Variants in LRP1B observed in about 807,000 individuals in gnomAD.
LRP1B encodes the protein low-density lipoprotein receptor-related protein 1B.
In LRP1B, 217 loss-of-function variants were observed where a neutral mutation model predicts 556.6. The ratio of observed to expected loss-of-function variants is 0.39; its 90% CI spans 0.35 to 0.44. LRP1B has a LOEUF of 0.44. Among genes scored for constraint, LRP1B ranks in the 20% least tolerant of loss-of-function variants. The pLI, the probability that LRP1B is intolerant of heterozygous loss-of-function variation, is 1.00. For missense variants in LRP1B, 5,053 were observed against 5,620.8 expected (o/e 0.90, Z 3.23); for synonymous variants, 2,047 against 1,865.8 (o/e 1.10, Z -2.50).
chr2:140,700,425 T>C lies in LRP1B; in HGVS notation c.6624A>G (p.Leu2208=). 6.2e-7 allele frequency: 1 copy of C among 1,613,362 alleles called. No homozygotes were observed. The highest frequency in any genetic ancestry group is 8.5e-7 in the Non-Finnish European group (1 of 1,179,508). ...TCTCATATGGCCTTATTGGGGAATTTAAATTGGTTTCATCAGAAAGATGTA... is the reference window on the plus strand; with the variant it reads ...TCTCATATGGCCTTATTGGGGAATTCAAATTGGTTTCATCAGAAAGATGTA... ...KSIHLSDETN[L]NSPIRPYENP... is the part of the protein sequence containing the mutation. The change falls in exon 41 of 91, where the codon TTA becomes TTG. Residue 2208 remains leucine (L), a synonymous_variant. Transcript: ENST00000389484.
chr2:140,505,869 C>T (rs1272716075), intron 53 of LRP1B, among the ~76,000 whole-genome samples: 1 of 152,130 alleles, frequency 6.6e-6, no homozygotes, highest in Non-Finnish European at 1.5e-5. Context: ...CTTGTCTATG[C>T]ATTCAGATAT....
intron 1 of LRP1B, among the ~76,000 whole-genome samples, chr2:141,893,144 A>G (rs1481151603): frequency 2.0e-5 from 3 of 152,084 alleles, no homozygotes; most frequent in African/African-American, 7.2e-5. Context: ...ATAATTTTTT[A>G]TTTTAAATAA....
intron 30 of LRP1B, among the ~76,000 whole-genome samples, chr2:140,840,504 T>C (rs1352907121): frequency 6.6e-6 from 1 of 152,196 alleles, no homozygotes; most frequent in Admixed American, 6.5e-5. Flanking sequence ...CTTTTAGCTC[T>C]ATGCAAGCTC....
chr2:140,297,685 G>A, intron 84 of LRP1B, 123 bp downstream of exon 84: 3 of 1,035,276 alleles, frequency 2.9e-6, no homozygotes, highest in Non-Finnish European at 4.3e-6. Context: ...TTGTTGGAGT[G>A]ACAGAGACTG....
At chr2:141,234,372 ATTTTTTAT>A (rs936744995) in intron 5 of LRP1B, among the ~76,000 whole-genome samples, 27 of 152,072 alleles carry the variant, frequency 1.8e-4, no homozygotes, top group African/African-American at 6.3e-4. Flanking sequence ...TTTATTTTTT[ATTTTTTAT>A]TTTTTTATTT....
At chr2:141,801,789 A>G (rs1332573061) in intron 2 of LRP1B, among the ~76,000 whole-genome samples, 1 of 152,130 alleles carries the variant, frequency 6.6e-6, no homozygotes, top group African/African-American at 2.4e-5. Flanking sequence ...TAACATTAGT[A>G]CTCTAGAATT....
At chr2:141,080,696 A>C (rs186741477) in intron 7 of LRP1B, among the ~76,000 whole-genome samples, 140 of 152,076 alleles carry the variant, frequency 9.2e-4, no homozygotes, top group African/African-American at 3.2e-3. Flanking sequence ...TTTAATTTCA[A>C]CTCTGTCTCT....
chr2:140,854,195 T>C (rs1437264548), intron 27 of LRP1B, among the ~76,000 whole-genome samples: 2 of 152,088 alleles, frequency 1.3e-5, no homozygotes, highest in Admixed American at 6.6e-5. Context: ...ATTAAAAGCA[T>C]AATCCATAAC....
At chr2:140,238,045 A>C (rs756669222) in intron 89 of LRP1B, 107 bp downstream of exon 89, 8 of 981,434 alleles carry the variant, frequency 8.2e-6, no homozygotes, top group Non-Finnish European at 1.0e-5. Flanking sequence ...AAAGTCCCTT[A>C]TTCTAACTTC....
rs1259264651 is a variant in LRP1B, at chr2:140,525,848, G to A, written c.8022C>T (p.Cys2674=). The part of the protein sequence containing the change: ...DCGDYSDELK[C]PVQNKHKCEE... ...TTTTCTAAATTCTAGTATTACCTGG[G>A]CACTTTAATTCATCTGAATAGTCTC... Residue 2674 remains cysteine (C), a synonymous_variant, in exon 49 of 91, where the codon TGC becomes TGT. Coordinates refer to ENST00000389484, the MANE Select transcript of LRP1B (RefSeq NM_018557.3). 6 of 1,611,044 alleles carry A rather than the reference G, an allele frequency of 3.7e-6. No homozygotes were observed. Among genetic ancestry groups the A allele is most frequent in the Non-Finnish European group, 3.4e-6 (4 of 1,178,286 alleles).
chr2:140,873,781 A>G (rs1693214191), intron 25 of LRP1B, among the ~76,000 whole-genome samples: 1 of 151,920 alleles, frequency 6.6e-6, no homozygotes. Context: ...CAATAAAAGT[A>G]TATTGGTAGG....
At chr2:141,797,038 G>C (rs1312511324) in intron 2 of LRP1B, among the ~76,000 whole-genome samples, 3 of 150,300 alleles carry the variant, frequency 2.0e-5, no homozygotes, top group African/African-American at 7.3e-5. Flanking sequence ...CAAAACAATT[G>C]TGTAAATTTC....
intron 3 of LRP1B, among the ~76,000 whole-genome samples, chr2:141,285,559 G>T (rs1008438510): frequency 2.1e-5 from 3 of 144,750 alleles, no homozygotes; most frequent in Non-Finnish European, 3.0e-5. Flanking sequence ...AGGTTCAAGC[G>T]ATTCTCCTGC....
chr2:141,178,322 C>T (rs553526828), intron 7 of LRP1B, among the ~76,000 whole-genome samples: 6 of 152,176 alleles, frequency 3.9e-5, no homozygotes, highest in African/African-American at 7.2e-5. Flanking sequence ...ACTTCTCGAT[C>T]GCCAGAGCAG....
intron 1 of LRP1B, among the ~76,000 whole-genome samples, chr2:142,128,793 T>C (rs1707747917): frequency 6.6e-6 from 1 of 152,216 alleles, no homozygotes; most frequent in South Asian, 2.1e-4. Context: ...GCTTCTATCT[T>C]AGATGTTCCT....
At chr2:140,269,638 A>C (rs1682370066) in intron 86 of LRP1B, among the ~76,000 whole-genome samples, 1 of 151,934 alleles carries the variant, frequency 6.6e-6, no homozygotes, top group Admixed American at 6.6e-5. Flanking sequence ...TAATCTGAAT[A>C]ATTTTATTTC....
At chr2:140,475,097 G>T in intron 60 of LRP1B, 41 bp downstream of exon 60, 2 of 977,372 alleles carry the variant, frequency 2.0e-6, no homozygotes, top group South Asian at 5.9e-5. Context: ...AATATTTTAT[G>T]ACCTGGTAAA....
intron 1 of LRP1B, among the ~76,000 whole-genome samples, chr2:142,083,450 A>G (rs138261336): frequency 1.8e-4 from 27 of 152,372 alleles, no homozygotes; most frequent in African/African-American, 5.8e-4. Context: ...GGAGGAATGC[A>G]GAATGTTTTA....
Position 140,850,332 on chromosome 2 carries a change from A to G in LRP1B, c.4712-3T>C, listed in dbSNP as rs2105118466. The G allele has an allele frequency of 6.4e-7, 1 of 1,551,548 alleles. No homozygotes were observed. The highest frequency in any genetic ancestry group is 1.2e-5 in the South Asian group (1 of 85,368). On this transcript the variant is annotated splice_region_variant and splice_polypyrimidine_tract_variant and intron_variant, in intron 28 of 90. Transcript: ENST00000389484. ...ATAAAGAAGAAATTTTTTCATTTCTAAAAAAGAAATAGAAATTCTTTTCTC... is the reference window on the plus strand; with the variant it reads ...ATAAAGAAGAAATTTTTTCATTTCTGAAAAAGAAATAGAAATTCTTTTCTC...
Sources: allele counts gnomAD v4.1 joint callset (sites outside exome capture counted in the v4.1 genomes callset), GRCh38; gene constraint gnomAD v4.1.1; transcripts MANE v1.5; gene names NCBI Gene and HGNC (gene_info 2026-07-23, HGNC 2026-07-21).